Variants in LAMB3 observed in about 807,000 individuals in gnomAD.
LAMB3 encodes laminin subunit beta-3.
In LAMB3, 104 loss-of-function variants were observed where a neutral mutation model predicts 140.3. The ratio of observed to expected loss-of-function variants is 0.74; its 90% confidence interval spans 0.63 to 0.87. The LOEUF is 0.87. Ranked by LOEUF, LAMB3 falls within the 40% of genes least tolerant of loss-of-function variation. The pLI is 0.00. For synonymous variants in LAMB3, 592 were observed against 602.9 expected (o/e 0.98, Z 0.26); for missense variants, 1,531 against 1,575.2 (o/e 0.97, Z 0.47).
chr1:209,616,653 A>G, intron 21 of LAMB3, 29 bp from the exon 22 acceptor site: 1 of 1,612,000 alleles, frequency 6.2e-7, no homozygotes, highest in East Asian at 2.2e-5. Context: ...TCTCAGTGTC[A>G]TTGTCATCAT....
intron 8 of LAMB3, among the ~76,000 whole-genome samples, chr1:209,632,316 A>G (rs1666720263): frequency 6.6e-6 from 1 of 152,226 alleles, no homozygotes; most frequent in Non-Finnish European, 1.5e-5. Flanking sequence ...GAGGGTTGAG[A>G]ATCATTGGCT....
At chr1:209,626,510 C>T (rs11589335) in intron 13 of LAMB3, among the ~76,000 whole-genome samples, 2,533 of 152,336 alleles carry the variant, frequency 0.017, 27 homozygotes, top group Non-Finnish European at 0.026. Flanking sequence ...GAAACGACAC[C>T]CTTTCCCCTT....
chr1:209,622,394 G>A lies in LAMB3; in HGVS notation c.2701+142C>T, dbSNP rs1002391914. On this transcript the variant is annotated intron_variant, in intron 18 of 22. Coordinates refer to ENST00000356082, the MANE Select transcript of LAMB3 (RefSeq NM_000228.3). ...CAGACGGGAGAACGAGAAGGTCATG[G>A]CCATGGTGCCAAGGAGAAGTGGAGG... 4.1e-6 allele frequency: 4 copies of A among 972,502 alleles called. No homozygotes were observed. In the African/African-American group the frequency reaches 4.8e-5, roughly 12 times the overall value. 60.2% of individuals were successfully genotyped at this position (972,502 alleles called of 1,614,324 possible).
At chr1:209,616,326 T>C (rs914066630) in intron 22 of LAMB3, 145 bp downstream of exon 22, 1 of 933,792 alleles carries the variant, frequency 1.1e-6, no homozygotes, top group South Asian at 1.3e-5. Flanking sequence ...GCCTCATACA[T>C]GCTAGATGCC....
chr1:209,637,897 A>C lies in LAMB3; in HGVS notation c.372+11T>G. ...CCCTCTCCTATCCACTGCCACCCCC[A>C]GGAGGCACACCTGGAACTCCATCAT... On this transcript the variant is annotated intron_variant, in intron 5 of 22. Coordinates refer to ENST00000356082, the MANE Select transcript of LAMB3 (RefSeq NM_000228.3). 1 of 1,606,798 alleles carries C rather than the reference A, an allele frequency of 6.2e-7. No individual in the cohort carries two copies. The highest frequency in any genetic ancestry group is 8.5e-7 in the Non-Finnish European group (1 of 1,174,908).
At chr1:209,637,823 C>A (rs570932009) in intron 5 of LAMB3, 85 bp downstream of exon 5, 4 of 1,084,784 alleles carry the variant, frequency 3.7e-6, no homozygotes, top group Admixed American at 1.9e-5. Flanking sequence ...CCCAGAGAGA[C>A]AAGGACACTG....
At chr1:209,632,341 A>T (rs1219896410) in intron 8 of LAMB3, among the ~76,000 whole-genome samples, 1 of 152,230 alleles carries the variant, frequency 6.6e-6, no homozygotes, top group Admixed American at 6.5e-5. Flanking sequence ...CTCCCTCCCA[A>T]TTTCCACACT....
rs1229915575 is a variant in LAMB3 at position 209,630,654 on chromosome 1, A to AG, written c.903dup (p.Trp302LeufsTer11). ...GCGTCCTGGCCCTCCGCCGGTCTCC[A>AG]GGGCCGGTTGTTGTAGAAGGGTGCA... On this transcript the variant is annotated frameshift_variant, in exon 9 of 23. Coordinates refer to ENST00000356082, the MANE Select transcript of LAMB3 (RefSeq NM_000228.3). LOFTEE classifies it high-confidence loss of function. The AG allele has an allele frequency of 1.2e-6, 2 of 1,614,140 alleles. No homozygotes were observed. Among genetic ancestry groups the AG allele is most frequent in the Admixed American group, 3.3e-5 (2 of 60,016 alleles).
At chr1:209,633,267 C>T in intron 6 of LAMB3, 134 bp from the exon 7 acceptor site, 1 of 733,496 alleles carries the variant, frequency 1.4e-6, no homozygotes, top group South Asian at 1.5e-5. Context: ...TAGACCATGG[C>T]TATGAGGCTT....
Position 209,622,688 on chromosome 1 carries a change from C to T in LAMB3, c.2557-8G>A. 6.2e-7 allele frequency: 1 copy of T among 1,614,174 alleles called. No homozygotes were observed. Among genetic ancestry groups the T allele is most frequent in the Non-Finnish European group, 8.5e-7 (1 of 1,180,030 alleles). ...TTCCTCGGCTGCCCTAATCTGTTGA[C>T]ATACACTCTAGGTCAGAAGGGGTAA... On this transcript the variant is annotated splice_polypyrimidine_tract_variant and splice_region_variant and intron_variant, in intron 17 of 22. Coordinates refer to ENST00000356082, the MANE Select transcript of LAMB3 (RefSeq NM_000228.3).
At chr1:209,622,515 T>C in intron 18 of LAMB3, 21 bp downstream of exon 18, 2 of 1,612,902 alleles carry the variant, frequency 1.2e-6, no homozygotes, top group Non-Finnish European at 1.7e-6. Context: ...GCAGCCAAGG[T>C]GGGGTGGAGA....
chr1:209,646,358 C>T (rs368054633), intron 3 of LAMB3, among the ~76,000 whole-genome samples: 9 of 152,136 alleles, frequency 5.9e-5, no homozygotes, highest in South Asian at 2.1e-4. Flanking sequence ...GAGTGGCCAG[C>T]GCTGAATAAA....
At chr1:209,649,193 G>A (rs546176796) in intron 3 of LAMB3, among the ~76,000 whole-genome samples, 494 of 152,208 alleles carry the variant, frequency 3.2e-3, no homozygotes, top group Non-Finnish European at 5.4e-3. Context: ...AGATAACCCC[G>A]GTCTCTTTCC....
rs1168855294 is a variant in LAMB3 at position 209,628,033 on chromosome 1, A to T, written c.1288+2T>A. ...TCATGCTGGGCCAAGCCCCCTACTC[A>T]CGGTGGCAGCCCTGCGGGTTGGCGT... On this transcript the variant is annotated splice_donor_variant, in intron 11 of 22. Transcript: ENST00000356082. LOFTEE classifies it high-confidence loss of function. 2.5e-6 allele frequency: 4 copies of T among 1,601,396 alleles called. No individual in the cohort carries two copies. The highest frequency in any genetic ancestry group is 2.6e-6 in the Non-Finnish European group (3 of 1,173,720).
chr1:209,615,267 A>G lies in LAMB3; in HGVS notation c.*4T>C. On this transcript the variant is annotated 3_prime_UTR_variant, in exon 23 of 23. Coordinates refer to ENST00000356082, the MANE Select transcript of LAMB3 (RefSeq NM_000228.3). ...AGTGGGGCAACGGGCTGGAAGCTGT[A>G]GCATCACTTGCAGGTGGCATAGTAG... 1 of 1,614,116 alleles carries G rather than the reference A, an allele frequency of 6.2e-7. No homozygotes were observed. The highest frequency in any genetic ancestry group is 8.5e-7 in the Non-Finnish European group (1 of 1,180,026).
At chr1:209,635,253 C>T (rs1409925413) in intron 5 of LAMB3, among the ~76,000 whole-genome samples, 2 of 152,194 alleles carry the variant, frequency 1.3e-5, no homozygotes, top group African/African-American at 2.4e-5. Flanking sequence ...TAAACTCAGC[C>T]TCCAAAGCAG....
chr1:209,627,468 G>A lies in LAMB3; in HGVS notation c.1400C>T (p.Pro467Leu), dbSNP rs966498828. 6.2e-7 allele frequency: 1 copy of A among 1,614,030 alleles called. No individual in the cohort carries two copies. ...VVGPKCDQCA[P>L]YHWKLASGQG... is the part of the protein sequence containing the mutation. The stretch of plus-strand genomic sequence containing the variant: ...GCCACTGGCCAGCTTCCAGTGGTAG[G>A]GAGCACACTGGTCACATTTGGGACC... Residue 467 changes from proline to leucine, a missense_variant, in exon 12 of 23, where the codon CCC becomes CTC. By Grantham distance (98) the Pro-to-Leu change is moderately conservative. Coordinates refer to ENST00000356082, the MANE Select transcript of LAMB3 (RefSeq NM_000228.3).
chr1:209,636,071 C>T (rs548773628), intron 5 of LAMB3, among the ~76,000 whole-genome samples: 4 of 152,342 alleles, frequency 2.6e-5, no homozygotes, highest in Non-Finnish European at 5.9e-5. Context: ...CTCCTGCTCA[C>T]GTCTGGCCCA....
rs1019311999 is a variant in LAMB3 at position 209,626,718 on chromosome 1, T to C, written c.1597+149A>G. On this transcript the variant is annotated intron_variant, in intron 13 of 22. Transcript: ENST00000356082. ...TGGAGGCCATGCCAACAGGCCGGAG[T>C]GTGTGCACTCACAGGGCTGCCCAGG... 10 of 697,210 alleles carry C rather than the reference T, an allele frequency of 1.4e-5. No homozygotes were observed. In the African/African-American group the frequency reaches 1.8e-4, roughly 12 times the overall value. 43.2% of individuals were successfully genotyped at this position (697,210 alleles called of 1,614,324 possible). A position where few individuals can be genotyped will look rare whatever the true frequency, so the allele number is the denominator to read the frequency against.
Sources: allele counts gnomAD v4.1 joint callset (sites outside exome capture counted in the v4.1 genomes callset), GRCh38; gene constraint gnomAD v4.1.1; transcripts MANE v1.5; gene names NCBI Gene and HGNC (gene_info 2026-07-23, HGNC 2026-07-21).